Variants in MICU2 observed in about 807,000 individuals in gnomAD.
MICU2 encodes calcium uptake protein 2, mitochondrial.
In MICU2, 64 loss-of-function variants were observed where a neutral mutation model predicts 60.4. That is an observed-to-expected ratio of 1.06 (90% confidence interval 0.87 to 1.31). The LOEUF (loss-of-function observed/expected upper bound fraction) is 1.31, where lower values mean the gene tolerates loss of function less well. Ranked by LOEUF, MICU2 falls within the 50% of genes most tolerant of loss-of-function variation. The pLI, the probability that MICU2 is intolerant of heterozygous loss-of-function variation, is 0.00. For missense variants in MICU2, 569 were observed against 531.0 expected (o/e 1.07, Z -0.70); for synonymous variants, 201 against 175.0 (o/e 1.15, Z -1.17).
chr13:21,500,755 A>G (rs925061938), intron 9 of MICU2, among the ~76,000 whole-genome samples: 1 of 152,136 alleles, frequency 6.6e-6, no homozygotes, highest in Admixed American at 6.6e-5. Flanking sequence ...ATTATAAATT[A>G]AGAAAATTGG....
intron 1 of MICU2, among the ~76,000 whole-genome samples, chr13:21,593,044 G>A (rs186864201): frequency 1.1e-4 from 16 of 152,266 alleles, no homozygotes; most frequent in Middle Eastern, 3.4e-3. Context: ...AAGAAATAAA[G>A]GGTATTCGAA....
At chr13:21,577,202 T>C (rs1305633319) in intron 1 of MICU2, among the ~76,000 whole-genome samples, 1 of 152,224 alleles carries the variant, frequency 6.6e-6, no homozygotes, top group Non-Finnish European at 1.5e-5. Context: ...TGGGGTGTCC[T>C]TAGAGCTTCA....
chr13:21,517,953 T>C (rs1394900335), intron 6 of MICU2, among the ~76,000 whole-genome samples: 55 of 152,228 alleles, frequency 3.6e-4, no homozygotes, highest in Non-Finnish European at 1.5e-5. Flanking sequence ...GCTCTATGGG[T>C]AATCAACTTT....
intron 2 of MICU2, among the ~76,000 whole-genome samples, chr13:21,554,356 T>C (rs1200048): frequency 0.35 from 52,689 of 151,932 alleles, 9,508 homozygotes; most frequent in South Asian, 0.41. Context: ...TGCAATCAAA[T>C]TAGAACTCTG....
intron 2 of MICU2, among the ~76,000 whole-genome samples, chr13:21,564,899 G>T (rs959262898): frequency 2.0e-5 from 3 of 152,124 alleles, no homozygotes; most frequent in African/African-American, 7.2e-5. Flanking sequence ...TCTCAAGCTA[G>T]TTCACACTCA....
chr13:21,520,672 T>A (rs970904475), intron 6 of MICU2, among the ~76,000 whole-genome samples: 3 of 151,642 alleles, frequency 2.0e-5, no homozygotes, highest in Non-Finnish European at 4.4e-5. Flanking sequence ...TTTTTTTTTT[T>A]AATATTAGCA....
intron 4 of MICU2, chr13:21,531,293 A>T: frequency 6.4e-7 from 1 of 1,572,064 alleles, no homozygotes; most frequent in African/African-American, 1.4e-5. Flanking sequence ...AACACAGCAC[A>T]GAAAATGACT....
intron 1 of MICU2, among the ~76,000 whole-genome samples, chr13:21,578,810 T>A (rs1004630689): frequency 2.0e-5 from 3 of 152,190 alleles, no homozygotes; most frequent in Non-Finnish European, 4.4e-5. Flanking sequence ...CTTTAGATTT[T>A]AAAAATGCCT....
chr13:21,494,256 T>C, intron 11 of MICU2, among the ~76,000 whole-genome samples: 1 of 152,364 alleles, frequency 6.6e-6, no homozygotes, highest in Admixed American at 6.5e-5. Context: ...AATAGCTTTA[T>C]TTTCATGAAT....
At chr13:21,592,586 G>A (rs1192298191) in intron 1 of MICU2, among the ~76,000 whole-genome samples, 1 of 152,196 alleles carries the variant, frequency 6.6e-6, no homozygotes, top group Non-Finnish European at 1.5e-5. Flanking sequence ...CAATATCCCT[G>A]ATGAACATTG....
intron 9 of MICU2, among the ~76,000 whole-genome samples, chr13:21,499,635 C>T (rs574761507): frequency 1.7e-4 from 26 of 152,146 alleles, no homozygotes; most frequent in Admixed American, 1.5e-3. Flanking sequence ...TGTTCTCAAT[C>T]TTCTGACCTC....
chr13:21,496,994 A>G (rs1293275756), intron 9 of MICU2, among the ~76,000 whole-genome samples: 3 of 151,906 alleles, frequency 2.0e-5, no homozygotes, highest in African/African-American at 7.2e-5. Flanking sequence ...CCCAGGAGGC[A>G]GAGCTTGCAG....
chr13:21,597,598 A>G (rs1244795425), intron 1 of MICU2, among the ~76,000 whole-genome samples: 1 of 152,210 alleles, frequency 6.6e-6, no homozygotes, highest in Non-Finnish European at 1.5e-5. Flanking sequence ...ACAAGAGGCC[A>G]TTCTAGTAAG....
At chr13:21,571,436 G>A (rs966733701) in intron 1 of MICU2, among the ~76,000 whole-genome samples, 6 of 152,288 alleles carry the variant, frequency 3.9e-5, no homozygotes, top group Admixed American at 3.9e-4. Flanking sequence ...GGGGGCTCAC[G>A]CCTGTAATCC....
Position 21,495,267 on chromosome 13 carries a change from T to C in MICU2, c.1094A>G (p.Asn365Ser), listed in dbSNP as rs749176189. The stretch of plus-strand genomic sequence containing the variant: ...GATCTTAAAGACAGTGTCCAAAATA[T>C]TGTTTGAGAGTTCTTGTCCTGTTGC... ...KVATGQELSN[N>S]ILDTVFKIFD... The change falls in exon 11 of 12, where the codon AAT becomes AGT. Residue 365 changes from asparagine to serine, a missense_variant. Coordinates refer to ENST00000382374, the MANE Select transcript of MICU2 (RefSeq NM_152726.3). 7 of 1,613,128 alleles carry C rather than the reference T, an allele frequency of 4.3e-6. 1 individual carries two copies. The Admixed American group carries it at 8.3e-5, about 19-fold the overall frequency.
intron 4 of MICU2, among the ~76,000 whole-genome samples, chr13:21,534,335 A>G (rs1887082164): frequency 6.6e-6 from 1 of 151,878 alleles, no homozygotes; most frequent in African/African-American, 2.4e-5. Context: ...CCTCCCAAAT[A>G]GAGGGTATTA....
chr13:21,523,450 G>C (rs1001514928), intron 4 of MICU2, among the ~76,000 whole-genome samples: 3 of 152,172 alleles, frequency 2.0e-5, no homozygotes, highest in African/African-American at 7.2e-5. Flanking sequence ...AAATTCAGTA[G>C]AATAACAAGA....
chr13:21,506,680 AT>A (rs1454077337), intron 8 of MICU2, among the ~76,000 whole-genome samples: 1 of 152,194 alleles, frequency 6.6e-6, no homozygotes, highest in East Asian at 1.9e-4. Context: ...ATCCACATTC[AT>A]CCTTTTCCCC....
chr13:21,501,268 C>CT (rs1298258740), intron 9 of MICU2, among the ~76,000 whole-genome samples: 6,384 of 145,290 alleles, frequency 0.044, 432 homozygotes, highest in African/African-American at 0.15. Context: ...CATATAAAGT[C>CT]TTTTTTTTTT....
Sources: gnomAD v4.1 joint callset for allele counts (sites outside exome capture counted in the v4.1 genomes callset) on GRCh38, gnomAD v4.1.1 for gene constraint, MANE v1.5 for transcripts, NCBI Gene and HGNC (gene_info 2026-07-23, HGNC 2026-07-21) for gene names.